The following NRG1 variants were observed in gnomAD, a reference collection of about 807,000 sequenced individuals.
NRG1 encodes neuregulin 1.
A neutral mutation model predicts 63.8 loss-of-function variants in NRG1; 18 were observed. The observed-to-expected ratio is 0.28, with a 90% CI of 0.19 to 0.42. The LOEUF (loss-of-function observed/expected upper bound fraction) is 0.42. Ranked by LOEUF, NRG1 falls within the 10% of genes least tolerant of loss-of-function variation. NRG1 has a pLI of 1.00. For synonymous variants in NRG1, 302 were observed against 301.3 expected (o/e 1.00, Z -0.02); for missense variants, 762 against 814.7 (o/e 0.94, Z 0.79).
At chr8:32,171,042 T>C (rs1839970439) in intron 1 of NRG1, among the ~76,000 whole-genome samples, 1 of 152,156 alleles carries the variant, frequency 6.6e-6, no homozygotes, top group Admixed American at 6.5e-5. Context: ...ATTAGCGGAT[T>C]TTCTTTACTT....
At chr8:32,344,957 T>G (rs1365082410) in intron 1 of NRG1, among the ~76,000 whole-genome samples, 1 of 152,108 alleles carries the variant, frequency 6.6e-6, no homozygotes, top group Non-Finnish European at 1.5e-5. Flanking sequence ...CTAGGGGAGA[T>G]CCTTCTAACT....
chr8:32,138,615 C>T (rs185962700), intron 1 of NRG1, among the ~76,000 whole-genome samples: 186 of 151,980 alleles, frequency 1.2e-3, no homozygotes, highest in African/African-American at 4.2e-3. Context: ...GACTGGAGTG[C>T]GCAGTGGTGC....
intron 1 of NRG1, among the ~76,000 whole-genome samples, chr8:32,189,747 T>C (rs1275130337): frequency 1.3e-5 from 2 of 152,222 alleles, no homozygotes; most frequent in Non-Finnish European, 2.9e-5. Flanking sequence ...CTGGCCCCCC[T>C]GAGTCCTTAG....
chr8:32,173,853 G>A (rs914984875), intron 1 of NRG1, among the ~76,000 whole-genome samples: 4 of 152,100 alleles, frequency 2.6e-5, no homozygotes, highest in African/African-American at 7.2e-5. Context: ...AGTCCTTAGA[G>A]ACCAGGAAGA....
intron 1 of NRG1, among the ~76,000 whole-genome samples, chr8:31,843,792 TACC>T (rs2129608086): frequency 6.6e-6 from 1 of 152,346 alleles, no homozygotes; most frequent in South Asian, 2.1e-4. Flanking sequence ...AAACTTCTAC[TACC>T]ACTTGATGTG....
chr8:32,012,308 G>A (rs1219391606), intron 1 of NRG1, among the ~76,000 whole-genome samples: 2 of 152,106 alleles, frequency 1.3e-5, no homozygotes, highest in African/African-American at 4.8e-5. Flanking sequence ...ATGCATGACA[G>A]TTAATCTTTG....
intron 1 of NRG1, among the ~76,000 whole-genome samples, chr8:32,202,431 C>T (rs1019751892): frequency 2.6e-5 from 4 of 152,118 alleles, no homozygotes; most frequent in African/African-American, 9.7e-5. Flanking sequence ...TCCAGCCCCA[C>T]AGTGGTGTCT....
chr8:31,648,142 T>TC (rs1408586871), intron 1 of NRG1, among the ~76,000 whole-genome samples: 34 of 136,494 alleles, frequency 2.5e-4, no homozygotes, highest in African/African-American at 9.5e-4. Flanking sequence ...TTTTTTTTTT[T>TC]TTTTTTTTTG....
chr8:32,077,925 G>T (rs1266659318), intron 1 of NRG1, among the ~76,000 whole-genome samples: 1 of 152,144 alleles, frequency 6.6e-6, no homozygotes, highest in African/African-American at 2.4e-5. Context: ...CTCCATCAGA[G>T]AGACCAACAG....
intron 1 of NRG1, among the ~76,000 whole-genome samples, chr8:31,764,755 A>T (rs1341825427): frequency 1.3e-5 from 2 of 151,830 alleles, no homozygotes; most frequent in African/African-American, 4.8e-5. Flanking sequence ...TTTTTTTATT[A>T]TACTTTAAGT....
chr8:31,645,781 T>C (rs4236705), intron 1 of NRG1, among the ~76,000 whole-genome samples: 151,027 of 152,310 alleles, frequency 0.99, 74,894 homozygotes, highest in Middle Eastern at 1. Context: ...AAATTTATAC[T>C]TTGTTTTAAA....
chr8:31,694,484 G>A (rs1187985788), intron 1 of NRG1, among the ~76,000 whole-genome samples: 2 of 152,202 alleles, frequency 1.3e-5, no homozygotes, highest in African/African-American at 4.8e-5. Context: ...AAGTGGTAAA[G>A]GAGAGGCTGC....
chr8:32,092,909 T>G (rs149842773), intron 1 of NRG1, among the ~76,000 whole-genome samples: 1 of 152,290 alleles, frequency 6.6e-6, no homozygotes, highest in East Asian at 1.9e-4. Context: ...GTTGATCACA[T>G]GCATGTCACC....
intron 1 of NRG1, among the ~76,000 whole-genome samples, chr8:32,501,421 A>G (rs913240892): frequency 6.6e-6 from 1 of 152,240 alleles, no homozygotes; most frequent in Non-Finnish European, 1.5e-5. Flanking sequence ...GCAATTTAGC[A>G]TATTAAATAA....
chr8:32,135,794 G>A (rs1835430576), intron 1 of NRG1, among the ~76,000 whole-genome samples: 1 of 151,960 alleles, frequency 6.6e-6, no homozygotes, highest in South Asian at 2.1e-4. Flanking sequence ...TTAGAGCTAA[G>A]GGTCTATATG....
Position 31,950,925 on chromosome 8 carries a change from A to G in NRG1, c.37+311494A>G, listed in dbSNP as rs1803367368. 2.0e-5 allele frequency among the ~76,000 whole-genome samples: 3 copies of G among 152,250 alleles called. No homozygotes were observed. The South Asian group carries it at 6.2e-4, about 31-fold the overall frequency. Reference sequence around the variant, plus strand: ...ATAAAGAGAGGACACTGTGAAAATCACTTTCCAAACTGACTTGTATTGAAA... The same window carrying G: ...ATAAAGAGAGGACACTGTGAAAATCGCTTTCCAAACTGACTTGTATTGAAA... On this transcript the variant is annotated intron_variant, in intron 1 of 10. Transcript: ENST00000519301.
chr8:31,642,571 G>GA (rs148287750), intron 1 of NRG1, among the ~76,000 whole-genome samples: 35,487 of 152,096 alleles, frequency 0.23, 4,570 homozygotes, highest in African/African-American at 0.29. Flanking sequence ...CTTCTAAGGG[G>GA]AAAAAACTTC....
At chr8:31,992,697 C>A (rs1402718077) in intron 1 of NRG1, among the ~76,000 whole-genome samples, 2 of 151,928 alleles carry the variant, frequency 1.3e-5, no homozygotes, top group Admixed American at 6.6e-5. Flanking sequence ...ATCACCTATT[C>A]TTTTACTGAT....
exon 6 of NRG1, chr8:32,727,995 G>A (rs758446533): frequency 3.4e-5 from 55 of 1,613,916 alleles, no homozygotes; most frequent in Middle Eastern, 1.6e-4. Context: ...TAAAATGTGC[G>A]GAGAAGGAGA....
Sources: allele counts gnomAD v4.1 joint callset (sites outside exome capture counted in the v4.1 genomes callset), GRCh38; gene constraint gnomAD v4.1.1; transcripts MANE v1.5; gene names NCBI Gene and HGNC (gene_info 2026-07-23, HGNC 2026-07-21).